Variants in RCBTB2 observed in about 807,000 individuals in gnomAD.
RCBTB2 encodes the protein RCC1 and BTB domain containing protein 2, also known as RCC1 and BTB domain-containing protein 2.
A neutral mutation model predicts 65.4 loss-of-function variants in RCBTB2; 55 were observed. The observed-to-expected ratio is 0.84, with a 90% CI of 0.68 to 1.05. The LOEUF is 1.05. RCBTB2 is among the 50% of genes least tolerant of loss of function. The probability of loss-of-function intolerance (pLI) is 0.00; values close to 1 mark genes in which losing one functional copy is unlikely to be tolerated. For missense variants in RCBTB2, 599 were observed against 680.1 expected, an observed-to-expected ratio of 0.88 and a Z score of 1.33; for synonymous variants, 220 against 255.2, an observed-to-expected ratio of 0.86 and a Z score of 1.31.
intron 4 of RCBTB2, among the ~76,000 whole-genome samples, chr13:48,520,483 G>A (rs562728085): frequency 6.6e-6 from 1 of 152,198 alleles, no homozygotes; most frequent in South Asian, 2.1e-4. Context: ...TAACACTACT[G>A]CAGGTGATAA....
At position 48,501,950 on chromosome 13, in the gene RCBTB2, G is replaced by C. The variant is rs1414268424; in HGVS notation, c.1118-82C>G. 217 of 1,225,942 alleles carry C rather than the reference G, an allele frequency of 1.8e-4. 1 individual carries two copies. Among genetic ancestry groups the C allele is most frequent in the African/African-American group, 1.5e-5 (1 of 65,324 alleles). The allele number at this position is 1,225,942 out of a possible 1,614,324, so 75.9% of individuals were successfully genotyped here. ...GACAGGATATGGCACTACTCTACTG[G>C]TACTCATGAAAGTACCAATTCCTCA... On this transcript the variant is annotated intron_variant, in intron 11 of 14. Transcript: ENST00000344532.
chr13:48,518,606 G>A (rs959408811), intron 4 of RCBTB2, among the ~76,000 whole-genome samples: 2 of 150,792 alleles, frequency 1.3e-5, no homozygotes, highest in Non-Finnish European at 3.0e-5. Context: ...CCAGTTATAT[G>A]CAAGTGTAAA....
At chr13:48,506,207 C>T (rs972752674) in intron 10 of RCBTB2, among the ~76,000 whole-genome samples, 1 of 152,192 alleles carries the variant, frequency 6.6e-6, no homozygotes, top group Non-Finnish European at 1.5e-5. Context: ...AGAGCAGCAT[C>T]GTACAAGACC....
intron 6 of RCBTB2, among the ~76,000 whole-genome samples, chr13:48,513,800 CTGT>C (rs1380675383): frequency 2.0e-5 from 3 of 152,148 alleles, no homozygotes; most frequent in Non-Finnish European, 4.4e-5. Context: ...TTCTTGCTGT[CTGT>C]TGTTTCTTCT....
chr13:48,522,337 G>C lies in RCBTB2; in HGVS notation c.-53C>G. ...GTCAACTTTTCTCTGGGATTGGAAAGTTCCAAATCACGGGGAAGAGCGGAC... is the reference window on the plus strand; with the variant it reads ...GTCAACTTTTCTCTGGGATTGGAAACTTCCAAATCACGGGGAAGAGCGGAC... On this transcript the variant is annotated 5_prime_UTR_variant, in exon 3 of 15. Transcript: ENST00000344532. The C allele has an allele frequency of 6.5e-7, 1 of 1,530,908 alleles. No individual in the cohort carries two copies. Among genetic ancestry groups the C allele is most frequent in the South Asian group, 1.2e-5 (1 of 83,946 alleles). The allele number at this position is 1,530,908 out of a possible 1,614,324, so 94.8% of individuals were successfully genotyped here. A position where few individuals can be genotyped will look rare whatever the true frequency, so the allele number is the denominator to read the frequency against.
At position 48,524,077 on chromosome 13, in the gene RCBTB2, G is replaced by T. The variant is rs201180519; in HGVS notation, c.-120+582C>A. On this transcript the variant is annotated intron_variant, in intron 2 of 14. Transcript: ENST00000344532. ...CTATTGTATAATACTATTAAAAAGT[G>T]TTTTGAATTTTTTAGCATTGTGGGA... Among the ~76,000 whole-genome samples the T allele has an allele frequency of 4.4e-4, 67 of 151,334 alleles. No individual in the cohort carries two copies. In the East Asian group the frequency reaches 0.013, roughly 29 times the overall value.
intron 10 of RCBTB2, chr13:48,504,165 GC>G: frequency 1.0e-6 from 1 of 985,224 alleles, no homozygotes; most frequent in Non-Finnish European, 1.2e-6. Context: ...CCCACATCTG[GC>G]CCCTGTAACA....
At chr13:48,508,664 A>G (rs1048249130) in intron 10 of RCBTB2, among the ~76,000 whole-genome samples, 1 of 152,202 alleles carries the variant, frequency 6.6e-6, no homozygotes, top group African/African-American at 2.4e-5. Context: ...TTGGCCTCCC[A>G]AAGTGCTGGG....
At chr13:48,498,457 G>A (rs1469305389) in intron 13 of RCBTB2, among the ~76,000 whole-genome samples, 4 of 152,184 alleles carry the variant, frequency 2.6e-5, no homozygotes, top group African/African-American at 9.6e-5. Context: ...GCGGCCGGGC[G>A]CAGTGGCTCA....
At chr13:48,524,839 C>T (rs890597415) in intron 1 of RCBTB2, 82 bp from the exon 2 acceptor site, 4 of 152,042 alleles carry the variant, frequency 2.6e-5, no homozygotes, top group African/African-American at 9.7e-5. Context: ...TTTAACAATC[C>T]ATTCTTTATC....
At chr13:48,506,470 C>T (rs1229893869) in intron 10 of RCBTB2, among the ~76,000 whole-genome samples, 1 of 152,128 alleles carries the variant, frequency 6.6e-6, no homozygotes, top group Non-Finnish European at 1.5e-5. Context: ...GGGAGGCCAA[C>T]CCAAGCTAGG....
In RCBTB2 at chr13:48,527,322, T is replaced by TATATATATATATATG. The variant is rs1160043805; in HGVS notation, c.-218-2580_-218-2566dup. Among the ~76,000 whole-genome samples, 22 of 123,480 alleles carry TATATATATATATATG rather than the reference T, an allele frequency of 1.8e-4. No homozygotes were observed. The East Asian group carries it at 2.5e-3, about 14-fold the overall frequency. The allele number at this position is 123,480 out of a possible 152,430, so 81.0% of individuals were successfully genotyped here. ...GTTTTGGGATATATGACTTGGCTCATATATATATATATATGATATATATAT... is the reference window on the plus strand; with the variant it reads ...GTTTTGGGATATATGACTTGGCTCATATATATATATATATGATATATATATATATGATATATATAT... On this transcript the variant is annotated intron_variant, in intron 1 of 14. Coordinates refer to ENST00000344532, the MANE Select transcript of RCBTB2 (RefSeq NM_001268.4).
chr13:48,524,929 A>T (rs538902272), intron 1 of RCBTB2, among the ~76,000 whole-genome samples, 172 bp from the exon 2 acceptor site: 1 of 152,314 alleles, frequency 6.6e-6, no homozygotes, highest in Non-Finnish European at 1.5e-5. Flanking sequence ...TATTATAAAA[A>T]TACTAAAGTT....
chr13:48,515,823 A>G (rs939864405), intron 4 of RCBTB2, 82 bp from the exon 5 acceptor site: 39 of 1,382,722 alleles, frequency 2.8e-5, no homozygotes, highest in Non-Finnish European at 3.5e-5. Context: ...GAAGAGGGCG[A>G]ACACTGGTTT....
In RCBTB2 at chr13:48,499,643, G is replaced by C. The variant is rs1369147354; in HGVS notation, c.1362C>G (p.Ser454Arg). ...TACCTACTGCCTCCTCAGGAGAAAG[G>C]CTGATGCTGTCTGTGTATAGGTATT... ...FLEYLYTDSI[S>R]LSPEEAVGLL... The change falls in exon 13 of 15, where the codon AGC (serine) becomes AGG (arginine). Residue 454 changes from serine to arginine, a missense_variant. Ser to Arg is a moderately radical substitution (Grantham distance 110, BLOSUM62 -1). Transcript: ENST00000344532. The C allele has an allele frequency of 1.9e-6, 3 of 1,614,028 alleles. No homozygotes were observed. The highest frequency in any genetic ancestry group is 2.5e-6 in the Non-Finnish European group (3 of 1,180,030).
rs1566336889 is a variant in RCBTB2, at chr13:48,527,338, A to ATATATATATATATATCATATATATATAT, written c.-218-2582_-218-2581insATATATATATATGATATATATATATATA. On this transcript the variant is annotated intron_variant, in intron 1 of 14. Transcript: ENST00000344532. ...CTTGGCTCATATATATATATATATGATATATATATATATGATATATATTTA... is the reference window on the plus strand; with the variant it reads ...CTTGGCTCATATATATATATATATGATATATATATATATATCATATATATATATTATATATATATATGATATATATTTA... Among the ~76,000 whole-genome samples, 3 of 108,024 alleles carry ATATATATATATATATCATATATATATAT rather than the reference A, an allele frequency of 2.8e-5. No homozygotes were observed. In the African/African-American group the frequency reaches 3.3e-4, roughly 12 times the overall value. The allele number at this position is 108,024 out of a possible 152,430, so 70.9% of individuals were successfully genotyped here. A position where few individuals can be genotyped will look rare whatever the true frequency, so the allele number is the denominator to read the frequency against.
intron 4 of RCBTB2, 92 bp downstream of exon 4, chr13:48,521,806 T>C (rs1461591601): frequency 7.8e-6 from 9 of 1,147,956 alleles, no homozygotes; most frequent in Middle Eastern, 2.0e-4. Context: ...TAGTATCTCA[T>C]TGATTTTCCT....
At chr13:48,490,818 T>C (rs2138384015) in intron 14 of RCBTB2, among the ~76,000 whole-genome samples, 1 of 152,324 alleles carries the variant, frequency 6.6e-6, no homozygotes, top group East Asian at 1.9e-4. Flanking sequence ...TTCAATAATC[T>C]CAACTGGGAA....
At chr13:48,515,768 A>G in intron 4 of RCBTB2, 27 bp from the exon 5 acceptor site, 1 of 1,582,692 alleles carries the variant, frequency 6.3e-7, no homozygotes, top group Middle Eastern at 1.7e-4. Context: ...ATATGTTGAA[A>G]TGACAAATTA....
Sources: allele counts gnomAD v4.1 joint callset (sites outside exome capture counted in the v4.1 genomes callset), GRCh38; gene constraint gnomAD v4.1.1; transcripts MANE v1.5; gene names NCBI Gene and HGNC (gene_info 2026-07-23, HGNC 2026-07-21).